Variants in PI4KA observed in about 807,000 individuals in gnomAD.
The protein encoded by PI4KA is phosphatidylinositol 4-kinase alpha, also known as PI4-kinase alpha.
A neutral mutation model predicts 271.4 loss-of-function variants in PI4KA; 122 were observed. That is an observed-to-expected ratio of 0.45 (90% CI 0.39 to 0.52). The LOEUF is 0.52. Ranked by LOEUF, PI4KA falls within the 20% of genes least tolerant of loss-of-function variation. The probability of loss-of-function intolerance (pLI) is 0.00; values close to 1 mark genes in which losing one functional copy is unlikely to be tolerated. For missense variants in PI4KA, 1,969 were observed against 2,769.1 expected, an observed-to-expected ratio of 0.71 and a Z score of 6.48; for synonymous variants, 1,041 against 1,078.8, an observed-to-expected ratio of 0.96 and a Z score of 0.69.
Position 20,765,158 on chromosome 22 carries a change from T to C in PI4KA, c.2516A>G (p.Glu839Gly), listed in dbSNP as rs1932406892. Reference sequence around the variant, plus strand: ...ATACTGGAGGACGGACCGCAGTGGCTCCTTGCTGGGAAAGGTGAGCAAGGG... The same window carrying C: ...ATACTGGAGGACGGACCGCAGTGGCCCCTTGCTGGGAAAGGTGAGCAAGGG... Reference protein sequence around the residue: ...KSPLLTFPSKEPLRSVLQYNS... With the variant: ...KSPLLTFPSKGPLRSVLQYNS... Residue 839 changes from glutamate to glycine, a missense_variant, in exon 21 of 55, where the codon GAG becomes GGG. Glu to Gly is a moderately conservative substitution (Grantham distance 98). Transcript: ENST00000255882. 6 of 1,613,764 alleles carry C rather than the reference T, an allele frequency of 3.7e-6. No individual in the cohort carries two copies. Among genetic ancestry groups the C allele is most frequent in the Non-Finnish European group, 5.1e-6 (6 of 1,179,668 alleles).
chr22:20,827,654 T>C (rs544297175), intron 3 of PI4KA, among the ~76,000 whole-genome samples: 1 of 152,348 alleles, frequency 6.6e-6, no homozygotes, highest in Non-Finnish European at 1.5e-5. Flanking sequence ...ATGGCCATGT[T>C]AACAATATTG....
intron 19 of PI4KA, chr22:20,779,218 G>A: frequency 6.2e-7 from 1 of 1,604,028 alleles, no homozygotes; most frequent in Non-Finnish European, 8.5e-7. Context: ...CAAAGCCACA[G>A]GGAACCTGCC....
chr22:20,801,520 G>A (rs1935330274), intron 14 of PI4KA, among the ~76,000 whole-genome samples: 1 of 151,834 alleles, frequency 6.6e-6, no homozygotes, highest in South Asian at 2.1e-4. Flanking sequence ...AGGAGGCAGA[G>A]GTTGCTGTGA....
intron 4 of PI4KA, among the ~76,000 whole-genome samples, chr22:20,822,015 T>C (rs1922757243): frequency 6.6e-6 from 1 of 152,056 alleles, no homozygotes; most frequent in Admixed American, 6.6e-5. Flanking sequence ...CCAGGTGTGG[T>C]GGTGCGTGCC....
chr22:20,779,174 T>C (rs1033459098), intron 19 of PI4KA: 1 of 1,560,732 alleles, frequency 6.4e-7, no homozygotes, highest in African/African-American at 1.4e-5. Context: ...CTAAAACAGT[T>C]AAGAACTAAT....
In PI4KA at chr22:20,785,973, A is replaced by G. The variant is rs1048888934; in HGVS notation, c.2328+7220T>C. The G allele has an allele frequency of 1.4e-5, 23 of 1,614,028 alleles. No homozygotes were observed. The Admixed American group carries it at 1.7e-4, about 12-fold the overall frequency. ...TTCTTTTGTAACTTGTGGTTCAATA[A>G]AACTGGGCCCCCCTTTCCTTTTCTG... is the stretch of plus-strand genomic sequence containing the variant. On this transcript the variant is annotated intron_variant, in intron 19 of 54. Coordinates refer to ENST00000255882, the MANE Select transcript of PI4KA (RefSeq NM_058004.4).
At chr22:20,793,158 C>A (rs1934757260) in intron 19 of PI4KA, 35 bp downstream of exon 19, 1 of 1,258,636 alleles carries the variant, frequency 7.9e-7, no homozygotes, top group Non-Finnish European at 1.2e-6. Flanking sequence ...AACACAGTAT[C>A]TGCAGTTTTT....
intron 36 of PI4KA, among the ~76,000 whole-genome samples, chr22:20,731,847 T>C (rs1467659868): frequency 6.7e-6 from 1 of 148,656 alleles, no homozygotes; most frequent in Non-Finnish European, 1.5e-5. Flanking sequence ...GAGAATGGTG[T>C]GAACCCGGGA....
At chr22:20,822,217 A>G (rs1922802408) in intron 4 of PI4KA, among the ~76,000 whole-genome samples, 1 of 151,762 alleles carries the variant, frequency 6.6e-6, no homozygotes, top group African/African-American at 2.4e-5. Flanking sequence ...GCTAATTTTT[A>G]TTTTTATTTT....
chr22:20,732,581 A>G (rs534553888), intron 36 of PI4KA, among the ~76,000 whole-genome samples: 88 of 152,268 alleles, frequency 5.8e-4, no homozygotes, highest in African/African-American at 2.1e-3. Flanking sequence ...GTTCCCTCAT[A>G]TTGAAATCAC....
rs151213907 is a variant in PI4KA, at chr22:20,766,054, A to C, written c.2329-361T>G. ...TTTGAGGAAAACTTAGCCAGGAAAG[A>C]AGAGAAGGCAGCCTGTCCAGCCACA... On this transcript the variant is annotated intron_variant, in intron 19 of 54. Transcript: ENST00000255882. 3.1e-3 allele frequency among the ~76,000 whole-genome samples: 467 copies of C among 152,292 alleles called. 1 individual carries two copies. Among genetic ancestry groups the C allele is most frequent in the Middle Eastern group, 6.8e-3 (2 of 294 alleles).
intron 23 of PI4KA, among the ~76,000 whole-genome samples, chr22:20,760,706 G>A (rs892368516): frequency 6.6e-6 from 1 of 152,084 alleles, no homozygotes; most frequent in Non-Finnish European, 1.5e-5. Context: ...TGTCTTCATA[G>A]GGTTTTGATC....
intron 51 of PI4KA, 108 bp from the exon 52 acceptor site, chr22:20,710,966 C>T: frequency 8.2e-7 from 1 of 1,222,212 alleles, no homozygotes. Flanking sequence ...GCACCCCCTC[C>T]ACCCCCAACA....
chr22:20,858,734 G>A lies in PI4KA; in HGVS notation c.-9C>T. ...GCCGGGGCCGCCGCCATCACCTCAC[G>A]AGCCGCGGCGCTGCCCGCCGGCTCC... On this transcript the variant is annotated 5_prime_UTR_variant, in exon 1 of 55. Coordinates refer to ENST00000255882, the MANE Select transcript of PI4KA (RefSeq NM_058004.4). 1 of 1,388,310 alleles carries A rather than the reference G, an allele frequency of 7.2e-7. No homozygotes were observed. Among genetic ancestry groups the A allele is most frequent in the Middle Eastern group, 2.0e-4 (1 of 5,122 alleles). 86.0% of individuals were successfully genotyped at this position (1,388,310 alleles called of 1,614,324 possible).
chr22:20,764,331 A>G (rs1932297104), intron 22 of PI4KA, among the ~76,000 whole-genome samples: 1 of 152,208 alleles, frequency 6.6e-6, no homozygotes, highest in African/African-American at 2.4e-5. Context: ...TGTAGATCCT[A>G]AGTGTCACTA....
intron 1 of PI4KA, among the ~76,000 whole-genome samples, chr22:20,854,032 C>T (rs1039122959): frequency 4.6e-5 from 7 of 151,946 alleles, no homozygotes; most frequent in African/African-American, 1.7e-4. Context: ...CTGCTGTTCA[C>T]CTGAGCAATC....
chr22:20,756,867 T>C (rs905994046), intron 23 of PI4KA, among the ~76,000 whole-genome samples: 5 of 152,148 alleles, frequency 3.3e-5, no homozygotes, highest in Admixed American at 2.0e-4. Context: ...TGACCTCAAG[T>C]GATCTGCCCA....
intron 22 of PI4KA, among the ~76,000 whole-genome samples, chr22:20,763,639 C>T (rs5751886): frequency 0.46 from 69,461 of 151,850 alleles, 16,488 homozygotes; most frequent in African/African-American, 0.57. Flanking sequence ...GGGGTTTCAC[C>T]ACGTTGGCCA....
intron 19 of PI4KA, chr22:20,786,789 T>C (rs910849148): frequency 7.5e-7 from 1 of 1,339,574 alleles, no homozygotes; most frequent in African/African-American, 1.4e-5. Flanking sequence ...TTTGGATCCT[T>C]TCCCTGAATG....
Sources: gnomAD v4.1 joint callset for allele counts (sites outside exome capture counted in the v4.1 genomes callset) on GRCh38, gnomAD v4.1.1 for gene constraint, MANE v1.5 for transcripts, NCBI Gene and HGNC (gene_info 2026-07-23, HGNC 2026-07-21) for gene names.